Variants in RBFOX2 observed in about 807,000 individuals in gnomAD.
The protein encoded by RBFOX2 is RNA binding protein fox-1 homolog 2.
In RBFOX2, 10 loss-of-function variants were observed where a neutral mutation model predicts 49.1. The observed-to-expected ratio is 0.20, with a 90% CI of 0.13 to 0.35. The LOEUF (loss-of-function observed/expected upper bound fraction) is 0.35. RBFOX2 is among the 10% of genes least tolerant of loss of function. The probability of loss-of-function intolerance (pLI) is 1.00; values close to 1 mark genes in which losing one functional copy is unlikely to be tolerated. For missense variants in RBFOX2, 323 were observed against 486.9 expected, an observed-to-expected ratio of 0.66 and a Z score of 3.17; for synonymous variants, 183 against 187.4, an observed-to-expected ratio of 0.98 and a Z score of 0.19.
chr22:35,869,797 A>G (rs1328539702), intron 1 of RBFOX2, among the ~76,000 whole-genome samples: 3 of 152,204 alleles, frequency 2.0e-5, no homozygotes, highest in Non-Finnish European at 4.4e-5. Context: ...CCAAAGTGGA[A>G]ATTCTTTTAG....
chr22:35,961,164 C>T (rs2056159688), intron 1 of RBFOX2, among the ~76,000 whole-genome samples: 1 of 151,876 alleles, frequency 6.6e-6, no homozygotes. Flanking sequence ...AAAAAAATAC[C>T]ATCAGCAGGC....
rs1932847931 is a variant in RBFOX2, at chr22:35,746,607, G to A, written c.888-46C>T. On this transcript the variant is annotated intron_variant, in intron 9 of 11. Transcript: ENST00000405409. ...GACTTTACAGATACCTCTCCCCCCAGGTGTACAGAAAAACACACACCCGCC... is the reference window on the plus strand; with the variant it reads ...GACTTTACAGATACCTCTCCCCCCAAGTGTACAGAAAAACACACACCCGCC... The A allele has an allele frequency of 1.5e-6, 2 of 1,299,904 alleles. 1 individual carries two copies. The highest frequency in any genetic ancestry group is 3.8e-4 in the Middle Eastern group (2 of 5,222). 80.5% of individuals were successfully genotyped at this position (1,299,904 alleles called of 1,614,324 possible).
At chr22:35,861,876 C>G (rs996325077) in intron 1 of RBFOX2, among the ~76,000 whole-genome samples, 1 of 152,126 alleles carries the variant, frequency 6.6e-6, no homozygotes, top group African/African-American at 2.4e-5. Context: ...ATCCAAATAT[C>G]CATCAACAGA....
chr22:35,950,328 AG>A (rs922266272), intron 1 of RBFOX2, among the ~76,000 whole-genome samples: 1 of 151,972 alleles, frequency 6.6e-6, no homozygotes, highest in Admixed American at 6.6e-5. Context: ...TCCTTTGCAA[AG>A]CATGCATGAT....
intron 1 of RBFOX2, among the ~76,000 whole-genome samples, chr22:35,863,626 T>C (rs540515475): frequency 6.6e-6 from 1 of 152,236 alleles, no homozygotes; most frequent in East Asian, 1.9e-4. Flanking sequence ...ATGTAGCAGT[T>C]GTGGGAATCC....
intron 1 of RBFOX2, among the ~76,000 whole-genome samples, chr22:35,972,565 CT>C (rs2056938479): frequency 6.6e-6 from 1 of 152,152 alleles, no homozygotes; most frequent in African/African-American, 2.4e-5. Context: ...TCCTAGGTCT[CT>C]ATTTTTTCAC....
At chr22:35,846,871 A>C (rs1345232376) in intron 1 of RBFOX2, among the ~76,000 whole-genome samples, 1 of 152,156 alleles carries the variant, frequency 6.6e-6, no homozygotes, top group Non-Finnish European at 1.5e-5. Flanking sequence ...ATTTAGCTAT[A>C]CCTCCAATAA....
At chr22:35,826,557 A>T (rs1397743006) in intron 1 of RBFOX2, among the ~76,000 whole-genome samples, 2 of 152,136 alleles carry the variant, frequency 1.3e-5, no homozygotes, top group African/African-American at 4.8e-5. Context: ...CATATAAGAG[A>T]TAGGCTAAGT....
intron 1 of RBFOX2, among the ~76,000 whole-genome samples, chr22:35,933,951 T>TATATATATAC (rs1556421313): frequency 9.9e-5 from 14 of 141,610 alleles, no homozygotes; most frequent in African/African-American, 3.8e-4. Context: ...TATATATATA[T>TATATATATAC]ATACACACAT....
intron 2 of RBFOX2, among the ~76,000 whole-genome samples, chr22:35,787,050 A>AT (rs1372211887): frequency 6.6e-6 from 1 of 151,790 alleles, no homozygotes; most frequent in Non-Finnish European, 1.5e-5. Flanking sequence ...ACCTTTTTAA[A>AT]TTTTTTTGAG....
At chr22:35,842,916 C>T (rs898576937), upstream of RBFOX2, among the ~76,000 whole-genome samples, 3 of 152,102 alleles carry the variant, frequency 2.0e-5, no homozygotes, top group Admixed American at 2.0e-4. Flanking sequence ...TACTTTTCTA[C>T]ATTTAGAACC....
At chr22:35,786,428 T>C (rs1234870418) in intron 2 of RBFOX2, among the ~76,000 whole-genome samples, 1 of 152,170 alleles carries the variant, frequency 6.6e-6, no homozygotes. Context: ...TTAACATACA[T>C]AGATAAAAAT....
At chr22:35,932,175 T>C (rs1300123856) in intron 1 of RBFOX2, among the ~76,000 whole-genome samples, 2 of 152,174 alleles carry the variant, frequency 1.3e-5, no homozygotes, top group African/African-American at 4.8e-5. Flanking sequence ...GTAGTCATCA[T>C]TTCTTCAATC....
intron 1 of RBFOX2, among the ~76,000 whole-genome samples, chr22:35,846,636 T>G (rs929838923): frequency 2.0e-5 from 3 of 151,632 alleles, no homozygotes; most frequent in Non-Finnish European, 4.4e-5. Context: ...CCACCTGTAA[T>G]CCCAGCTACT....
intron 1 of RBFOX2, among the ~76,000 whole-genome samples, chr22:36,026,231 C>A (rs1485758973): frequency 6.8e-6 from 1 of 147,868 alleles, no homozygotes; most frequent in Admixed American, 6.9e-5. Context: ...GAGCCGAGAT[C>A]GTGCCATTGC....
At chr22:35,788,375 A>G (rs1386121569) in intron 2 of RBFOX2, among the ~76,000 whole-genome samples, 1 of 152,152 alleles carries the variant, frequency 6.6e-6, no homozygotes, top group African/African-American at 2.4e-5. Flanking sequence ...ACTTTCTTCA[A>G]TATTTATTTT....
intron 2 of RBFOX2, among the ~76,000 whole-genome samples, chr22:35,792,426 A>C (rs1204324097): frequency 2.6e-5 from 4 of 152,126 alleles, no homozygotes; most frequent in Admixed American, 6.5e-5. Context: ...ATTCACACTG[A>C]ATCAAAATTT....
upstream of RBFOX2, among the ~76,000 whole-genome samples, chr22:35,964,941 AT>A (rs1035713515): frequency 1.2e-4 from 19 of 152,190 alleles, no homozygotes; most frequent in African/African-American, 3.6e-4. Context: ...GAAAATAGTT[AT>A]TGTCTTTCAA....
intron 1 of RBFOX2, among the ~76,000 whole-genome samples, chr22:35,972,090 C>A (rs1206568011): frequency 6.6e-6 from 1 of 151,942 alleles, no homozygotes; most frequent in Non-Finnish European, 1.5e-5. Context: ...CATATAAGAA[C>A]ATAAAGCATT....
Sources: gnomAD v4.1 joint callset for allele counts (sites outside exome capture counted in the v4.1 genomes callset) on GRCh38, gnomAD v4.1.1 for gene constraint, MANE v1.5 for transcripts, NCBI Gene and HGNC (gene_info 2026-07-23, HGNC 2026-07-21) for gene names.